Variants in ATG2B observed in about 807,000 individuals in gnomAD.
ATG2B encodes autophagy related 2B, also known as autophagy-related protein 2 homolog B.
In ATG2B, 121 loss-of-function variants were observed where a neutral mutation model predicts 241.3. The ratio of observed to expected loss-of-function variants is 0.50; its 90% CI spans 0.43 to 0.58. The LOEUF is 0.58. ATG2B is among the 20% of genes least tolerant of loss of function. ATG2B has a pLI of 0.00. For missense variants in ATG2B, 2,306 were observed against 2,491.6 expected (o/e 0.93, Z 1.59); for synonymous variants, 858 against 876.6 (o/e 0.98, Z 0.37).
chr14:96,289,385 A>G lies in ATG2B; in HGVS notation c.6006+271T>C, dbSNP rs1481694772. On this transcript the variant is annotated intron_variant, in intron 41 of 41. Transcript: ENST00000359933. This position sits in a 1 kb window ranked among gnomAD's most constrained non-coding sequence, Gnocchi z 4.3. ...TAAACCTAGACAGCGATCACACGGC[A>G]TTTGTTTCTATCACTCCCTGAGTGC... 3.1e-6 allele frequency: 1 copy of G among 326,074 alleles called. No individual in the cohort carries two copies. Among genetic ancestry groups the G allele is most frequent in the African/African-American group, 2.1e-5 (1 of 47,442 alleles). 20.2% of individuals were successfully genotyped at this position (326,074 alleles called of 1,614,324 possible).
At chr14:96,286,563 T>C (rs2139831917) in intron 41 of ATG2B, among the ~76,000 whole-genome samples, 1 of 152,336 alleles carries the variant, frequency 6.6e-6, no homozygotes, top group Non-Finnish European at 1.5e-5. Flanking sequence ...GCATTTTCCA[T>C]CTTTCTCACA....
At chr14:96,308,283 T>TATATATATATATGTATATATATATA (rs1491275020) in intron 29 of ATG2B, among the ~76,000 whole-genome samples, 1 of 30,236 alleles carries the variant, frequency 3.3e-5, no homozygotes. Flanking sequence ...TATATATATA[T>TATATATATATATGTATATATATATA]TTTTTTTTTT....
At chr14:96,338,885 C>T (rs1282310348) in intron 6 of ATG2B, among the ~76,000 whole-genome samples, 3 of 152,056 alleles carry the variant, frequency 2.0e-5, no homozygotes, top group Non-Finnish European at 1.5e-5. Flanking sequence ...AACTATGCAT[C>T]CAGCAAAGGA....
chr14:96,330,325 TA>T (rs1175112806), intron 11 of ATG2B, among the ~76,000 whole-genome samples: 5 of 152,194 alleles, frequency 3.3e-5, no homozygotes, highest in African/African-American at 1.2e-4. Context: ...TTTCATACTT[TA>T]AAAAAGTTAA....
rs1566728761 is a variant in ATG2B, at chr14:96,332,552, T to G, written c.1311A>C (p.Leu437Phe). Residue 437 changes from leucine (L) to phenylalanine (F), a missense_variant, in exon 9 of 42, where the codon TTA becomes TTC. Leu to Phe is a conservative substitution (Grantham distance 22, BLOSUM62 0). This residue lies in a region of ATG2B where 1,927 missense variants were observed against 2,011.2 expected (regional missense o/e 0.96). Transcript: ENST00000359933. ...CTGGGGTATTTGTATATGTACTAGT[T>G]AATGATAACTCAAGGTCCATGTTTG... is the stretch of plus-strand genomic sequence containing the variant. The part of the protein sequence containing the change: ...DPPNMDLELS[L>F]TSTYTNTPAG... 1 of 1,611,616 alleles carries G rather than the reference T, an allele frequency of 6.2e-7. No homozygotes were observed. The highest frequency in any genetic ancestry group is 8.5e-7 in the Non-Finnish European group (1 of 1,179,074).
rs1394758665 is a variant in ATG2B, at chr14:96,343,243, C to A, written c.620G>T (p.Gly207Val). 6.2e-7 allele frequency: 1 copy of A among 1,608,362 alleles called. No homozygotes were observed. The highest frequency in any genetic ancestry group is 1.3e-5 in the African/African-American group (1 of 74,574). The change falls in exon 5 of 42, where the codon GGA becomes GTA. Residue 207 changes from glycine to valine, a missense_variant. Gly to Val is a moderately radical substitution (Grantham distance 109). Coordinates refer to ENST00000359933, the MANE Select transcript of ATG2B (RefSeq NM_018036.7). ...AGCAGTGGGTTGATGCACATTAATTCCTGAGGATTCGTCAGCAGTTTCATC... is the reference window on the plus strand; with the variant it reads ...AGCAGTGGGTTGATGCACATTAATTACTGAGGATTCGTCAGCAGTTTCATC... ...YCDETADESS[G>V]INVHQPTAFA...
Position 96,283,147 on chromosome 14 carries a change from T to C in ATG2B, c.*2608A>G, listed in dbSNP as rs993629071. Reference sequence around the variant, plus strand: ...GCCTCAGCTGCCTCTCTACTCGTCATGTAAGGGGGTCTTAACATGTCAGAA... The same window carrying C: ...GCCTCAGCTGCCTCTCTACTCGTCACGTAAGGGGGTCTTAACATGTCAGAA... On this transcript the variant is annotated 3_prime_UTR_variant, in exon 42 of 42. Coordinates refer to ENST00000359933, the MANE Select transcript of ATG2B (RefSeq NM_018036.7). 6.6e-6 allele frequency: 1 copy of C among 152,208 alleles called. No homozygotes were observed. Among genetic ancestry groups the C allele is most frequent in the East Asian group, 1.9e-4 (1 of 5,198 alleles). 9.4% of individuals were successfully genotyped at this position (152,208 alleles called of 1,614,324 possible). A position where few individuals can be genotyped will look rare whatever the true frequency, so the allele number is the denominator to read the frequency against.
Position 96,329,593 on chromosome 14 carries a change from T to C in ATG2B, c.1772A>G (p.Gln591Arg). Residue 591 changes from glutamine to arginine, a missense_variant, in exon 12 of 42, where the codon CAA becomes CGA. Coordinates refer to ENST00000359933, the MANE Select transcript of ATG2B (RefSeq NM_018036.7). ...ACTAAAATATCGGGAAGCTGATCTTTGTCTTTGTTCATAGGATACTTTAAT... is the reference window on the plus strand; with the variant it reads ...ACTAAAATATCGGGAAGCTGATCTTCGTCTTTGTTCATAGGATACTTTAAT... The part of the protein sequence containing the change: ...TGIKVSYEQR[Q>R]RSASRYFSTD... 1 of 1,610,762 alleles carries C rather than the reference T, an allele frequency of 6.2e-7. No homozygotes were observed.
chr14:96,363,077 G>A lies in ATG2B; in HGVS notation c.-101C>T. The A allele has an allele frequency of 1.4e-6, 2 of 1,386,916 alleles. No individual in the cohort carries two copies. The highest frequency in any genetic ancestry group is 1.9e-5 in the Admixed American group (1 of 52,770). 85.9% of individuals were successfully genotyped at this position (1,386,916 alleles called of 1,614,324 possible). A position where few individuals can be genotyped will look rare whatever the true frequency, so the allele number is the denominator to read the frequency against. On this transcript the variant is annotated 5_prime_UTR_variant, in exon 1 of 42. Transcript: ENST00000359933. ...CAGGCCGCGGCGGGGCCTAAGCCTG[G>A]GGCGGCCCCTCCATCCCTATTTGGT...
At chr14:96,320,342 A>G (rs1232021514) in intron 18 of ATG2B, among the ~76,000 whole-genome samples, 1 of 152,194 alleles carries the variant, frequency 6.6e-6, no homozygotes, top group East Asian at 1.9e-4. Flanking sequence ...TACCGTTTTA[A>G]TTAATGCAGA....
chr14:96,351,894 C>G (rs1254002021), intron 1 of ATG2B, among the ~76,000 whole-genome samples: 2 of 95,584 alleles, frequency 2.1e-5, no homozygotes, highest in Non-Finnish European at 4.0e-5. Flanking sequence ...ACAGCAAGAC[C>G]TTGTCTCAAA....
chr14:96,351,784 C>A, intron 1 of ATG2B, among the ~76,000 whole-genome samples: 1 of 151,342 alleles, frequency 6.6e-6, no homozygotes, highest in Non-Finnish European at 1.5e-5. Context: ...GCCTGTAGTC[C>A]CAGCTCCTTG....
At chr14:96,332,435 A>G (rs1223936544) in intron 9 of ATG2B, 25 bp from the exon 10 acceptor site, 2 of 1,612,310 alleles carry the variant, frequency 1.2e-6, no homozygotes, top group Admixed American at 1.7e-5. Context: ...TTTTAAGCAC[A>G]TGAATGAAGT....
intron 5 of ATG2B, 44 bp downstream of exon 5, chr14:96,343,075 A>T (rs1888084865): frequency 7.0e-7 from 1 of 1,438,486 alleles, no homozygotes; most frequent in Non-Finnish European, 9.2e-7. Context: ...TAAACCTTTT[A>T]AAAAATCTAT....
At chr14:96,309,323 G>T in intron 29 of ATG2B, 130 bp downstream of exon 29, 2 of 1,168,248 alleles carry the variant, frequency 1.7e-6, no homozygotes, top group Non-Finnish European at 2.4e-6. Context: ...GACACAAGCT[G>T]AATGATTAAC....
intron 26 of ATG2B, 104 bp from the exon 27 acceptor site, chr14:96,311,722 G>C: frequency 1.4e-6 from 1 of 697,098 alleles, no homozygotes. Flanking sequence ...TCATTGCAGA[G>C]AGCACTACAA....
intron 1 of ATG2B, among the ~76,000 whole-genome samples, chr14:96,356,704 G>A (rs1206304988): frequency 6.6e-6 from 1 of 152,018 alleles, no homozygotes; most frequent in Admixed American, 6.6e-5. Context: ...AAATTCCCAG[G>A]TGAACCCAGT....
intron 19 of ATG2B, 33 bp from the exon 20 acceptor site, chr14:96,317,350 T>C (rs1887343671): frequency 1.3e-6 from 2 of 1,550,218 alleles, no homozygotes. Flanking sequence ...TACATTCTGA[T>C]AGCATATTAA....
intron 1 of ATG2B, among the ~76,000 whole-genome samples, chr14:96,361,363 G>C (rs1042389232): frequency 2.6e-5 from 4 of 152,048 alleles, no homozygotes; most frequent in Admixed American, 2.6e-4. Context: ...TGTGTGATGG[G>C]GCAAACTGCT....
Sources: gnomAD v4.1 joint callset for allele counts (sites outside exome capture counted in the v4.1 genomes callset) on GRCh38, gnomAD v4.1.1 for gene constraint, gnomAD v4.1.1 regional missense constraint, Gnocchi (gnomAD v3.1) non-coding constraint, MANE v1.5 for transcripts, NCBI Gene and HGNC (gene_info 2026-07-23, HGNC 2026-07-21) for gene names.